ADAMTS9: variants seen among roughly 807,000 people sequenced by gnomAD.
ADAMTS9 encodes the protein ADAM metallopeptidase with thrombospondin type 1 motif 9, also known as A disintegrin and metalloproteinase with thrombospondin motifs 9.
A neutral mutation model predicts 257.1 loss-of-function variants in ADAMTS9; 107 were observed. That is an observed-to-expected ratio of 0.42 (90% CI 0.36 to 0.49). The LOEUF is 0.49. Among genes scored for constraint, ADAMTS9 ranks in the 20% least tolerant of loss-of-function variants. ADAMTS9 has a pLI of 0.03. For missense variants in ADAMTS9, 2,353 were observed against 2,469.1 expected, an observed-to-expected ratio of 0.95 and a Z score of 1.00; for synonymous variants, 982 against 880.9, an observed-to-expected ratio of 1.11 and a Z score of -2.03.
chr3:64,574,723 ACACACACACCGCCCCCCTCCC>A (rs1324935952), intron 28 of ADAMTS9, among the ~76,000 whole-genome samples: 1 of 150,942 alleles, frequency 6.6e-6, no homozygotes, highest in African/African-American at 2.4e-5. Context: ...AGGGCAAGAC[ACACACACACCGCCCCCCTCCC>A]CACACACACA....
At chr3:64,529,657 G>C (rs1216230217) in intron 38 of ADAMTS9, among the ~76,000 whole-genome samples, 1 of 152,160 alleles carries the variant, frequency 6.6e-6, no homozygotes, top group African/African-American at 2.4e-5. Flanking sequence ...GGTTATTTGG[G>C]GGAAATTACA....
chr3:64,561,634 C>T lies in ADAMTS9; in HGVS notation c.4642G>A (p.Asp1548Asn), dbSNP rs562473718. The change falls in exon 30 of 40, where the codon GAC (aspartate) becomes AAC (asparagine). Residue 1548 changes from aspartate to asparagine, a missense_variant. Physicochemically the swap from Asp to Asn is conservative, Grantham distance 23. Transcript: ENST00000498707. Reference protein sequence around the residue: ...NPYTRPESERDCQGPRCPLYT... With the variant: ...NPYTRPESERNCQGPRCPLYT... ...AGGGGACACCGTGGGCCTTGGCAGT[C>T]GCGTTCCGACTCCGGTCTGGTGTAT... 1.2e-6 allele frequency: 2 copies of T among 1,614,090 alleles called. No individual in the cohort carries two copies. The highest frequency in any genetic ancestry group is 1.7e-6 in the Non-Finnish European group (2 of 1,179,994).
chr3:64,681,121 A>G, intron 3 of ADAMTS9, 80 bp downstream of exon 3: 1 of 1,488,498 alleles, frequency 6.7e-7, no homozygotes, highest in Non-Finnish European at 9.0e-7. Flanking sequence ...TTGTAGACTG[A>G]AAGAGAGCTA....
chr3:64,680,841 C>T (rs915118010), intron 3 of ADAMTS9, among the ~76,000 whole-genome samples: 1 of 152,056 alleles, frequency 6.6e-6, no homozygotes, highest in African/African-American at 2.4e-5. Context: ...AAAAAAAATA[C>T]ATGCATTTGG....
intron 23 of ADAMTS9, among the ~76,000 whole-genome samples, chr3:64,606,019 A>C (rs746234202): frequency 3.9e-5 from 6 of 152,346 alleles, no homozygotes; most frequent in Admixed American, 6.5e-5. Flanking sequence ...TAGTTCAGGC[A>C]TGAATGTTAG....
chr3:64,549,402 G>C (rs575588253), intron 31 of ADAMTS9, among the ~76,000 whole-genome samples: 1 of 152,298 alleles, frequency 6.6e-6, no homozygotes, highest in East Asian at 1.9e-4. Context: ...TTGGCCAGGT[G>C]AAAGGTGAGA....
intron 3 of ADAMTS9, among the ~76,000 whole-genome samples, chr3:64,670,314 A>G (rs369966142): frequency 6.6e-6 from 1 of 152,240 alleles, no homozygotes; most frequent in East Asian, 1.9e-4. Flanking sequence ...CTGGTTGGAC[A>G]TGGAGAGTTG....
intron 29 of ADAMTS9, among the ~76,000 whole-genome samples, chr3:64,568,087 T>C (rs1205242914): frequency 2.0e-5 from 3 of 152,272 alleles, no homozygotes; most frequent in East Asian, 1.9e-4. Context: ...CAGTGAAGTA[T>C]TGAGGGGCTG....
At chr3:64,678,185 A>G (rs1469899692) in intron 3 of ADAMTS9, among the ~76,000 whole-genome samples, 1 of 151,860 alleles carries the variant, frequency 6.6e-6, no homozygotes, top group Non-Finnish European at 1.5e-5. Context: ...ATAGGATATC[A>G]CTCCTGGGAG....
intron 28 of ADAMTS9, among the ~76,000 whole-genome samples, chr3:64,571,212 A>G (rs1335628106): frequency 2.0e-5 from 3 of 152,242 alleles, no homozygotes; most frequent in Non-Finnish European, 4.4e-5. Flanking sequence ...TTTATGAGCC[A>G]GGCACTGCCC....
intron 28 of ADAMTS9, among the ~76,000 whole-genome samples, chr3:64,573,463 C>A (rs2083751292): frequency 6.6e-6 from 1 of 152,206 alleles, no homozygotes; most frequent in African/African-American, 2.4e-5. Context: ...CTCTTCTGAT[C>A]TAAGGATTTT....
chr3:64,615,517 T>A, intron 20 of ADAMTS9, 32 bp from the exon 21 acceptor site: 1 of 1,576,788 alleles, frequency 6.3e-7, no homozygotes, highest in South Asian at 1.2e-5. Flanking sequence ...ATAAAACTGT[T>A]GCTAAGTTTC....
chr3:64,585,704 C>G (rs762681534), intron 28 of ADAMTS9, among the ~76,000 whole-genome samples: 2 of 152,094 alleles, frequency 1.3e-5, no homozygotes, highest in African/African-American at 2.4e-5. Context: ...ATCTATATAT[C>G]TACTAAATAA....
chr3:64,621,784 A>AG (rs1559796378), intron 18 of ADAMTS9, among the ~76,000 whole-genome samples: 4 of 133,954 alleles, frequency 3.0e-5, no homozygotes, highest in African/African-American at 9.9e-5. Flanking sequence ...AAATAAAAAA[A>AG]TAAAAAAATA....
chr3:64,658,547 G>A lies in ADAMTS9; in HGVS notation c.924C>T (p.Tyr308=), dbSNP rs776659352. The change falls in exon 4 of 40, where the codon TAC becomes TAT. Residue 308 remains tyrosine (Y), a synonymous_variant. Transcript: ENST00000498707. ...LVVADNRMVS[Y]HGENLQHYIL... ...TATAGTGTTGAAGGTTTTCTCCATG[G>A]TATGAAACCATTCTGTTGTCTGCCA... 6 of 1,613,774 alleles carry A rather than the reference G, an allele frequency of 3.7e-6. No homozygotes were observed. The Admixed American group carries it at 8.3e-5, about 22-fold the overall frequency.
intron 28 of ADAMTS9, among the ~76,000 whole-genome samples, chr3:64,576,321 A>G (rs1279836982): frequency 6.6e-6 from 1 of 152,158 alleles, no homozygotes. Flanking sequence ...AATGATAACC[A>G]TTACAGAATC....
rs536389856 is a variant in ADAMTS9, at chr3:64,655,676, A to T, written c.1069T>A (p.Ser357Thr). The T allele has an allele frequency of 1.2e-6, 2 of 1,614,142 alleles. No homozygotes were observed. The highest frequency in any genetic ancestry group is 1.1e-5 in the South Asian group (1 of 91,086). ...TTTAATGTTGTCTGAGCATTAAAAGATATGGAAGGCCCATCCTAAATACAG... is the reference window on the plus strand; with the variant it reads ...TTTAATGTTGTCTGAGCATTAAAAGTTATGGAAGGCCCATCCTAAATACAG... ...IHNEQDGPSISFNAQTTLKNF... is the reference protein window; with the variant it reads ...IHNEQDGPSITFNAQTTLKNF... The change falls in exon 6 of 40, where the codon TCT (serine) becomes ACT (threonine). Residue 357 changes from serine to threonine, a missense_variant. This residue lies in a region of ADAMTS9 where 591 missense variants were observed against 569.6 expected (regional missense o/e 1.04). Transcript: ENST00000498707.
At chr3:64,630,644 G>C (rs1341212797) in intron 16 of ADAMTS9, among the ~76,000 whole-genome samples, 2 of 152,148 alleles carry the variant, frequency 1.3e-5, no homozygotes, top group Non-Finnish European at 1.5e-5. Flanking sequence ...GCAAGGGAGA[G>C]CATCAGGAAA....
intron 22 of ADAMTS9, among the ~76,000 whole-genome samples, chr3:64,609,148 A>T (rs1239009896): frequency 6.6e-6 from 1 of 152,144 alleles, no homozygotes; most frequent in African/African-American, 2.4e-5. Flanking sequence ...TTAGGAAAAA[A>T]ACCCACAGCT....
Sources: allele counts gnomAD v4.1 joint callset (sites outside exome capture counted in the v4.1 genomes callset), GRCh38; gene constraint gnomAD v4.1.1; regional missense constraint gnomAD v4.1.1; transcripts MANE v1.5; gene names NCBI Gene and HGNC (gene_info 2026-07-23, HGNC 2026-07-21).